The following RAC1 variants were observed in gnomAD, a reference collection of about 807,000 sequenced individuals.
The protein encoded by RAC1 is Rac family small GTPase 1.
Under a neutral mutation model 25.2 loss-of-function variants are expected in RAC1, and 2 were observed. The ratio of observed to expected loss-of-function variants is 0.08; its 90% CI spans 0.03 to 0.25. The LOEUF (loss-of-function observed/expected upper bound fraction) is 0.25. RAC1 is among the 10% of genes least tolerant of loss of function. The pLI is 1.00. For synonymous variants in RAC1, 88 were observed against 94.0 expected (o/e 0.94, Z 0.37); for missense variants, 50 against 235.7 (o/e 0.21, Z 5.16).
intron 1 of RAC1, among the ~76,000 whole-genome samples, chr7:6,381,427 T>C (rs189292792): frequency 5.4e-4 from 81 of 149,398 alleles, no homozygotes; most frequent in African/African-American, 1.9e-3. Flanking sequence ...AGAGTCTTGC[T>C]CTGTCGCCAG....
chr7:6,380,129 C>T (rs1482092162), intron 1 of RAC1, among the ~76,000 whole-genome samples: 1 of 152,200 alleles, frequency 6.6e-6, no homozygotes, highest in East Asian at 1.9e-4. Context: ...CTTACAGGAA[C>T]ATTCTTTACA....
At chr7:6,387,099 G>C in intron 1 of RAC1, 113 bp from the exon 2 acceptor site, 1 of 654,270 alleles carries the variant, frequency 1.5e-6, no homozygotes, top group Non-Finnish European at 2.7e-6. Flanking sequence ...TTAATGCTAA[G>C]TATGTGATGT....
chr7:6,380,691 C>G (rs1782738463), intron 1 of RAC1, among the ~76,000 whole-genome samples: 2 of 152,128 alleles, frequency 1.3e-5, no homozygotes, highest in Non-Finnish European at 2.9e-5. Flanking sequence ...TGAAAAATTT[C>G]AAACAGACTA....
At chr7:6,384,811 T>G (rs941678379) in intron 1 of RAC1, among the ~76,000 whole-genome samples, 2 of 151,936 alleles carry the variant, frequency 1.3e-5, no homozygotes, top group African/African-American at 4.8e-5. Context: ...TTAAAAAAAT[T>G]TATTTTTTTG....
At chr7:6,401,624 C>T (rs753413606) in intron 4 of RAC1, 1 of 317,586 alleles carries the variant, frequency 3.1e-6, no homozygotes, top group Non-Finnish European at 5.8e-6. Context: ...GGTTGTAGAG[C>T]CCGTTCTGTC....
chr7:6,390,096 C>CTTTTTTTTTTTTTTTTT lies in RAC1; in HGVS notation c.108-1823_108-1807dup, dbSNP rs34547258. Among the ~76,000 whole-genome samples the CTTTTTTTTTTTTTTTTT allele has an allele frequency of 2.9e-4, 22 of 74,916 alleles. 3 individuals carry two copies. In the East Asian group the frequency reaches 4.6e-3, roughly 16 times the overall value. The allele number at this position is 74,916 out of a possible 152,430, so 49.1% of individuals were successfully genotyped here. A position where few individuals can be genotyped will look rare whatever the true frequency, so the allele number is the denominator to read the frequency against. ...CCTCCCTTGCTCCCTCCCTCCCTCCCTTTTTTTTTTTTTTTTTTTTTGAGA... is the reference window on the plus strand; with the variant it reads ...CCTCCCTTGCTCCCTCCCTCCCTCCCTTTTTTTTTTTTTTTTTTTTTTTTTTTTTTTTTTTTTTGAGA... On this transcript the variant is annotated intron_variant, in intron 2 of 5. Transcript: ENST00000348035.
At chr7:6,378,260 T>G (rs540661095) in intron 1 of RAC1, among the ~76,000 whole-genome samples, 2 of 145,456 alleles carry the variant, frequency 1.4e-5, no homozygotes, top group East Asian at 3.9e-4. Context: ...TATGAAAATA[T>G]GTCTGCCAGG....
intron 3 of RAC1, among the ~76,000 whole-genome samples, chr7:6,393,975 A>G (rs1390098265): frequency 6.6e-6 from 1 of 152,200 alleles, no homozygotes; most frequent in African/African-American, 2.4e-5. Context: ...TGGATCTGGT[A>G]GTAACATGCT....
At chr7:6,399,980 A>G in intron 3 of RAC1, 146 bp from the exon 4 acceptor site, 1 of 694,066 alleles carries the variant, frequency 1.4e-6, no homozygotes, top group Non-Finnish European at 2.5e-6. Flanking sequence ...GACAAACTGA[A>G]AGGGTGGATC....
chr7:6,382,235 T>TCCAC lies in RAC1; in HGVS notation c.36-4974_36-4971dup, dbSNP rs533725441. On this transcript the variant is annotated intron_variant, in intron 1 of 5. Coordinates refer to ENST00000348035, the MANE Select transcript of RAC1 (RefSeq NM_006908.5). ...GTCTCGAACTCCTGGCCTGAAGTGA[T>TCCAC]CCACCCGCCTTGGCCTCTTGCTGGG... 1.7e-3 allele frequency among the ~76,000 whole-genome samples: 256 copies of TCCAC among 152,256 alleles called. 1 individual carries two copies. Among genetic ancestry groups the TCCAC allele is most frequent in the Admixed American group, 3.0e-3 (46 of 15,282 alleles).
chr7:6,397,036 CAAAAAAA>C (rs151105670), intron 3 of RAC1, among the ~76,000 whole-genome samples: 18,203 of 80,468 alleles, frequency 0.23, 1,608 homozygotes, highest in Admixed American at 0.32. Flanking sequence ...CTCTCAAAAA[CAAAAAAA>C]AAAAAAAAAA....
chr7:6,392,164 A>G (rs2115201667), intron 3 of RAC1, 123 bp downstream of exon 3: 1 of 1,525,652 alleles, frequency 6.6e-7, no homozygotes, highest in East Asian at 2.3e-5. Context: ...GTAAATAGCA[A>G]ACAGGGTGGG....
At chr7:6,401,485 C>T (rs1166214981) in intron 4 of RAC1, 5 of 155,514 alleles carry the variant, frequency 3.2e-5, no homozygotes, top group East Asian at 3.8e-4. Flanking sequence ...AGTTTATTCT[C>T]ATTTCTGAAC....
At chr7:6,386,783 G>A (rs1236663484) in intron 1 of RAC1, among the ~76,000 whole-genome samples, 17 of 133,822 alleles carry the variant, frequency 1.3e-4, no homozygotes, top group African/African-American at 4.7e-4. Context: ...CACGAGACTC[G>A]GTCTCAAAAA....
intron 2 of RAC1, among the ~76,000 whole-genome samples, chr7:6,389,883 T>C (rs1380966071): frequency 6.6e-6 from 1 of 152,098 alleles, no homozygotes; most frequent in Non-Finnish European, 1.5e-5. Flanking sequence ...TTAAATCTTT[T>C]GTATTTTTCT....
intron 3 of RAC1, among the ~76,000 whole-genome samples, chr7:6,395,245 C>A (rs1308339693): frequency 6.6e-6 from 1 of 152,164 alleles, no homozygotes; most frequent in Non-Finnish European, 1.5e-5. Context: ...GGATTACAGG[C>A]GTGAGCCACT....
intron 3 of RAC1, among the ~76,000 whole-genome samples, chr7:6,398,872 C>G (rs1480839072): frequency 6.6e-6 from 1 of 152,130 alleles, no homozygotes; most frequent in Non-Finnish European, 1.5e-5. Context: ...AAATAAACTT[C>G]ATTAGAGTGT....
In RAC1 at chr7:6,400,143, C is replaced by T. The variant is rs757484895; in HGVS notation, c.243C>T (p.Cys81=). 2 of 1,611,992 alleles carry T rather than the reference C, an allele frequency of 1.2e-6. No individual in the cohort carries two copies. The highest frequency in any genetic ancestry group is 1.7e-6 in the Non-Finnish European group (2 of 1,178,890). ...SYPQTDVFLI[C]FSLVSPASFE... Reference sequence around the variant, plus strand: ...TTTTGTAGGATGTGTTCTTAATTTGCTTTTCCCTTGTGAGTCCTGCATCAT... The same window carrying T: ...TTTTGTAGGATGTGTTCTTAATTTGTTTTTCCCTTGTGAGTCCTGCATCAT... The change falls in exon 4 of 6, where the codon TGC becomes TGT. Residue 81 remains cysteine, a synonymous_variant. Coordinates refer to ENST00000348035, the MANE Select transcript of RAC1 (RefSeq NM_006908.5).
At chr7:6,380,955 G>A (rs1211943807) in intron 1 of RAC1, among the ~76,000 whole-genome samples, 5 of 152,030 alleles carry the variant, frequency 3.3e-5, no homozygotes, top group South Asian at 2.1e-4. Flanking sequence ...TGCAATCTCC[G>A]CATCCCAGGT....
Sources: gnomAD v4.1 joint callset for allele counts (sites outside exome capture counted in the v4.1 genomes callset) on GRCh38, gnomAD v4.1.1 for gene constraint, MANE v1.5 for transcripts, NCBI Gene and HGNC (gene_info 2026-07-23, HGNC 2026-07-21) for gene names.